CDH13: variants seen among roughly 807,000 people sequenced by gnomAD.
The protein encoded by CDH13 is cadherin-13.
CDH13 carries 24 observed loss-of-function variants against 63.8 expected under a neutral mutation model. That is an observed-to-expected ratio of 0.38 (90% CI 0.27 to 0.53). The LOEUF is 0.53. CDH13 is among the 20% of genes least tolerant of loss of function. The pLI, the probability that CDH13 is intolerant of heterozygous loss-of-function variation, is 0.85. For missense variants in CDH13, 1,049 were observed against 903.1 expected (o/e 1.16, Z -2.07); for synonymous variants, 503 against 355.3 (o/e 1.42, Z -4.67).
intron 3 of CDH13, among the ~76,000 whole-genome samples, chr16:83,068,842 C>G (rs140932549): frequency 6.6e-6 from 1 of 152,138 alleles, no homozygotes; most frequent in African/African-American, 2.4e-5. Context: ...TTCCCTGCCC[C>G]CTTGTTGTTC....
intron 2 of CDH13, among the ~76,000 whole-genome samples, chr16:82,966,164 T>A (rs1429542939): frequency 6.6e-6 from 1 of 152,190 alleles, no homozygotes; most frequent in Non-Finnish European, 1.5e-5. Context: ...TGTTTGTTTG[T>A]TTGAGACAAA....
intron 7 of CDH13, among the ~76,000 whole-genome samples, chr16:83,494,135 T>C (rs1471895629): frequency 6.6e-6 from 1 of 152,218 alleles, no homozygotes; most frequent in African/African-American, 2.4e-5. Context: ...TTCTCTAAGA[T>C]ATTTCTTTTC....
At chr16:83,093,061 G>T (rs1273323046) in intron 3 of CDH13, among the ~76,000 whole-genome samples, 1 of 151,968 alleles carries the variant, frequency 6.6e-6, no homozygotes, top group Admixed American at 6.6e-5. Flanking sequence ...CATTATTATT[G>T]CTCATTTCAT....
chr16:82,692,464 ACT>A (rs1413400935), intron 1 of CDH13, among the ~76,000 whole-genome samples: 1 of 151,858 alleles, frequency 6.6e-6, no homozygotes, highest in Non-Finnish European at 1.5e-5. Flanking sequence ...GTGTAGGGAA[ACT>A]CTCCTTTATA....
At chr16:83,124,983 A>G (rs980946367) in intron 3 of CDH13, among the ~76,000 whole-genome samples, 2 of 152,172 alleles carry the variant, frequency 1.3e-5, no homozygotes, top group African/African-American at 4.8e-5. Flanking sequence ...TTCACTTAGG[A>G]TTTGTTATAA....
At chr16:83,475,920 C>A (rs57613481) in intron 6 of CDH13, among the ~76,000 whole-genome samples, 32,783 of 152,028 alleles carry the variant, frequency 0.22, 3,723 homozygotes, top group Middle Eastern at 0.29. Flanking sequence ...ATTGCTGCGC[C>A]TTTGCCCTTA....
At chr16:82,878,175 CTG>C (rs1448065518) in intron 2 of CDH13, among the ~76,000 whole-genome samples, 2 of 152,022 alleles carry the variant, frequency 1.3e-5, no homozygotes, top group Non-Finnish European at 2.9e-5. Flanking sequence ...ATTCCCCAGT[CTG>C]TGTCACTTAG....
At chr16:83,080,887 T>TG (rs1455710825) in intron 3 of CDH13, among the ~76,000 whole-genome samples, 1 of 118,796 alleles carries the variant, frequency 8.4e-6, no homozygotes, top group African/African-American at 3.1e-5. Context: ...TTTTTTTTTT[T>TG]TTTTTTTTTT....
Position 83,128,820 on chromosome 16 carries a change from T to C in CDH13, c.483+3319T>C, listed in dbSNP as rs916968502. Among the ~76,000 whole-genome samples the C allele has an allele frequency of 7.2e-5, 11 of 152,336 alleles. No individual in the cohort carries two copies. The East Asian group carries it at 9.7e-4, about 13-fold the overall frequency. On this transcript the variant is annotated intron_variant, in intron 4 of 13. Coordinates refer to ENST00000567109, the MANE Select transcript of CDH13 (RefSeq NM_001257.5). ...TTTGGTTTGCAAGCTGAGGACTCAC[T>C]TCTTCTTAGCCCCTTATGTGTTGCC...
Position 83,551,997 on chromosome 16 carries a change from T to C in CDH13, c.961-50457T>C, listed in dbSNP as rs1223922477. On this transcript the variant is annotated intron_variant, in intron 7 of 13. Coordinates refer to ENST00000567109, the MANE Select transcript of CDH13 (RefSeq NM_001257.5). ...GCGGGTTAATAAGTAATGGGTTAGA[T>C]GCATGACAAAATGAATGGAATAAGT... 1.3e-5 allele frequency among the ~76,000 whole-genome samples: 2 copies of C among 152,328 alleles called. 1 individual carries two copies. Among genetic ancestry groups the C allele is most frequent in the African/African-American group, 4.8e-5 (2 of 41,574 alleles).
At chr16:83,402,254 C>G (rs2091980079) in intron 6 of CDH13, among the ~76,000 whole-genome samples, 7 of 152,136 alleles carry the variant, frequency 4.6e-5, no homozygotes, top group Admixed American at 4.6e-4. Context: ...GGAGCGCCAC[C>G]TATTGACCAT....
At chr16:83,366,920 C>T (rs921486271) in intron 6 of CDH13, among the ~76,000 whole-genome samples, 14 of 152,064 alleles carry the variant, frequency 9.2e-5, no homozygotes, top group African/African-American at 3.4e-4. Context: ...TACCCAAAGC[C>T]CTCTTTTTTT....
At chr16:83,314,826 C>T (rs756061207) in intron 5 of CDH13, among the ~76,000 whole-genome samples, 26 of 152,202 alleles carry the variant, frequency 1.7e-4, no homozygotes, top group Non-Finnish European at 3.4e-4. Flanking sequence ...CTTTGGGATG[C>T]TTGTATGTGA....
chr16:83,029,663 G>A (rs1380814889), intron 2 of CDH13, among the ~76,000 whole-genome samples: 1 of 152,158 alleles, frequency 6.6e-6, no homozygotes, highest in East Asian at 1.9e-4. Flanking sequence ...TGCAAATGCA[G>A]GTAAAACCAA....
chr16:83,736,573 A>G (rs1356737243), intron 10 of CDH13, among the ~76,000 whole-genome samples: 1 of 152,008 alleles, frequency 6.6e-6, no homozygotes, highest in African/African-American at 2.4e-5. Flanking sequence ...CTTTGCAAAG[A>G]CACTTATAAA....
At chr16:83,398,117 C>T (rs527345142) in intron 6 of CDH13, 1 of 152,330 alleles carries the variant, frequency 6.6e-6, no homozygotes, top group South Asian at 2.1e-4. Flanking sequence ...TGTTTAAGTA[C>T]TCATTGCTAG....
chr16:83,056,707 C>T (rs577954429), intron 3 of CDH13, among the ~76,000 whole-genome samples: 11 of 152,144 alleles, frequency 7.2e-5, no homozygotes, highest in Non-Finnish European at 1.5e-4. Flanking sequence ...GTGCAGCTCC[C>T]ATAATCCCCA....
intron 7 of CDH13, among the ~76,000 whole-genome samples, chr16:83,560,909 C>CG (rs1039742757): frequency 3.3e-5 from 5 of 151,942 alleles, no homozygotes; most frequent in Non-Finnish European, 5.9e-5. Flanking sequence ...GCCCCCCCCC[C>CG]GCCCCAGGGG....
chr16:83,031,983 C>G (rs1357471242), intron 2 of CDH13, 27 bp from the exon 3 acceptor site: 1 of 1,545,108 alleles, frequency 6.5e-7, no homozygotes, highest in South Asian at 1.2e-5. Context: ...TACTCATGCT[C>G]CTTCTGTTGT....
Sources: allele counts gnomAD v4.1 joint callset (sites outside exome capture counted in the v4.1 genomes callset), GRCh38; gene constraint gnomAD v4.1.1; transcripts MANE v1.5; gene names NCBI Gene and HGNC (gene_info 2026-07-23, HGNC 2026-07-21).